Variants in YEATS2 observed in about 807,000 individuals in gnomAD.
The protein encoded by YEATS2 is YEATS domain containing 2, also known as YEATS domain-containing protein 2.
YEATS2 carries 77 observed loss-of-function variants against 163.2 expected under a neutral mutation model. That is an observed-to-expected ratio of 0.47 (90% CI 0.39 to 0.57). YEATS2 has a LOEUF of 0.57. YEATS2 is among the 20% of genes least tolerant of loss of function. The pLI, the probability that YEATS2 is intolerant of heterozygous loss-of-function variation, is 0.00. For missense variants in YEATS2, 1,549 were observed against 1,729.8 expected, an observed-to-expected ratio of 0.90 and a Z score of 1.85; for synonymous variants, 631 against 645.1, an observed-to-expected ratio of 0.98 and a Z score of 0.33.
chr3:183,784,969 A>G (rs1448689985), intron 19 of YEATS2, among the ~76,000 whole-genome samples: 1 of 152,036 alleles, frequency 6.6e-6, no homozygotes. Flanking sequence ...GCTACTCGGG[A>G]GGCTGAGGCA....
intron 7 of YEATS2, among the ~76,000 whole-genome samples, chr3:183,733,904 T>A (rs1173289012): frequency 6.6e-6 from 1 of 152,074 alleles, no homozygotes; most frequent in Non-Finnish European, 1.5e-5. Context: ...CAGGGCGTGA[T>A]AAAGGGACTG....
In YEATS2 at chr3:183,777,709, G is replaced by A. The variant is rs759486737; in HGVS notation, c.2736+9G>A. On this transcript the variant is annotated intron_variant, in intron 19 of 30. Coordinates refer to ENST00000305135, the MANE Select transcript of YEATS2 (RefSeq NM_018023.5). ...CCACATTGTTTACACAGGTAAATAC[G>A]CCCATGCACACACCCCAAATATGGG... 10 of 1,611,144 alleles carry A rather than the reference G, an allele frequency of 6.2e-6. No individual in the cohort carries two copies. Among genetic ancestry groups the A allele is most frequent in the Middle Eastern group, 1.6e-4 (1 of 6,078 alleles).
chr3:183,785,807 G>A (rs1173468869), intron 19 of YEATS2, among the ~76,000 whole-genome samples: 3 of 152,142 alleles, frequency 2.0e-5, no homozygotes, highest in African/African-American at 7.2e-5. Flanking sequence ...AAGATTATAC[G>A]TACATTTAAG....
At chr3:183,791,023 T>A in intron 21 of YEATS2, 43 bp downstream of exon 21, 9 of 1,591,232 alleles carry the variant, frequency 5.7e-6, no homozygotes, top group Non-Finnish European at 7.7e-6. Flanking sequence ...TTTCTCTCAT[T>A]GGGCTGGAAT....
rs375910852 is a variant in YEATS2, at chr3:183,798,020, G to C, written c.3195G>C (p.Gly1065=). Residue 1065 remains glycine, a synonymous_variant, in exon 22 of 31, where the codon GGG becomes GGC. Transcript: ENST00000305135. Reference sequence around the variant, plus strand: ...CACTCAGCGTAAACACATCTGGAGGGGTGCAGACGATCCTGATGCCTGTGA... The same window carrying C: ...CACTCAGCGTAAACACATCTGGAGGCGTGCAGACGATCCTGATGCCTGTGA... ...LKPLSVNTSG[G]VQTILMPVNK... 18 of 1,614,084 alleles carry C rather than the reference G, an allele frequency of 1.1e-5. No individual in the cohort carries two copies. The highest frequency in any genetic ancestry group is 4.5e-5 in the East Asian group (2 of 44,880).
chr3:183,728,571 G>A lies in YEATS2; in HGVS notation c.651-119G>A, dbSNP rs1193064341. ...GACTCATTTTGCTTGTTTAGGTGAT[G>A]TAGTTGTTAAATATTGCAGGAATTT... is the stretch of plus-strand genomic sequence containing the variant. On this transcript the variant is annotated intron_variant, in intron 6 of 30. Transcript: ENST00000305135. 5.5e-6 allele frequency: 5 copies of A among 903,400 alleles called. No homozygotes were observed. The South Asian group carries it at 8.9e-5, about 16-fold the overall frequency. The allele number at this position is 903,400 out of a possible 1,614,324, so 56.0% of individuals were successfully genotyped here. A position where few individuals can be genotyped will look rare whatever the true frequency, so the allele number is the denominator to read the frequency against.
Position 183,776,063 on chromosome 3 carries a change from C to T in YEATS2, c.2517C>T (p.Gly839=). 1 of 1,612,166 alleles carries T rather than the reference C, an allele frequency of 6.2e-7. No individual in the cohort carries two copies. The highest frequency in any genetic ancestry group is 8.5e-7 in the Non-Finnish European group (1 of 1,179,152). The change falls in exon 18 of 31, where the codon GGC becomes GGT. Residue 839 remains glycine, a synonymous_variant. Coordinates refer to ENST00000305135, the MANE Select transcript of YEATS2 (RefSeq NM_018023.5). The part of the protein sequence containing the change: ...TAGGGTQSTA[G]PGGISQHLTY... Reference sequence around the variant, plus strand: ...GAGGAGGAACTCAAAGTACTGCTGGCCCTGGAGGGATATCTCAGCACCTGA... The same window carrying T: ...GAGGAGGAACTCAAAGTACTGCTGGTCCTGGAGGGATATCTCAGCACCTGA...
chr3:183,748,234 C>T (rs1003675292), intron 9 of YEATS2, among the ~76,000 whole-genome samples: 2 of 150,646 alleles, frequency 1.3e-5, no homozygotes, highest in African/African-American at 2.4e-5. Flanking sequence ...TTCCCCTTCC[C>T]CTTGTCCCCT....
chr3:183,788,299 C>T (rs1407422649), intron 20 of YEATS2, among the ~76,000 whole-genome samples: 4 of 152,080 alleles, frequency 2.6e-5, no homozygotes, highest in Non-Finnish European at 5.9e-5. Context: ...CCCTCCCTCC[C>T]TGCTGTTGGC....
At chr3:183,794,585 G>T (rs531492082) in intron 21 of YEATS2, among the ~76,000 whole-genome samples, 99 of 152,314 alleles carry the variant, frequency 6.5e-4, no homozygotes, top group Middle Eastern at 6.8e-3. Flanking sequence ...CCAGTCAGCT[G>T]TTGTAAGGTG....
intron 21 of YEATS2, among the ~76,000 whole-genome samples, chr3:183,796,299 C>G (rs539050731): frequency 6.6e-6 from 1 of 151,830 alleles, no homozygotes; most frequent in Non-Finnish European, 1.5e-5. Context: ...CACCCGACCA[C>G]TGTTTTTAAG....
intron 4 of YEATS2, among the ~76,000 whole-genome samples, chr3:183,719,675 C>CTT (rs145556774): frequency 6.7e-6 from 1 of 148,754 alleles, no homozygotes; most frequent in Non-Finnish European, 1.5e-5. Context: ...TGTTTTCTTT[C>CTT]TTTTTTTTTT....
intron 9 of YEATS2, among the ~76,000 whole-genome samples, chr3:183,748,255 T>C (rs1020890225): frequency 4.7e-4 from 54 of 116,002 alleles, no homozygotes; most frequent in Admixed American, 6.4e-4. Flanking sequence ...CCCCTTCCCC[T>C]CCTTTTTTTT....
At chr3:183,742,554 C>A (rs1166770753) in intron 8 of YEATS2, among the ~76,000 whole-genome samples, 1 of 152,188 alleles carries the variant, frequency 6.6e-6, no homozygotes, top group Non-Finnish European at 1.5e-5. Flanking sequence ...TATGATTAAA[C>A]CTTAATGCAT....
chr3:183,765,162 T>G (rs776119311), intron 15 of YEATS2, among the ~76,000 whole-genome samples: 9 of 152,168 alleles, frequency 5.9e-5, no homozygotes, highest in Non-Finnish European at 1.0e-4. Flanking sequence ...CCAAAATCCC[T>G]TAGTAAATCA....
rs1484950762 is a variant in YEATS2, at chr3:183,800,489, G to A, written c.3349G>A (p.Gly1117Arg). 6.2e-7 allele frequency: 1 copy of A among 1,614,096 alleles called. No homozygotes were observed. The highest frequency in any genetic ancestry group is 8.5e-7 in the Non-Finnish European group (1 of 1,179,960). ...AGTGAAGACTGAACCAGAAACACCT[G>A]GACCGAGTTGCCTCTCTCAGGAGGG... ...AKVKTEPETPGPSCLSQEGQT... is the reference protein window; with the variant it reads ...AKVKTEPETPRPSCLSQEGQT... Residue 1117 changes from glycine (G) to arginine (R), a missense_variant, in exon 24 of 31, where the codon GGA becomes AGA. Physicochemically the swap from Gly to Arg is moderately radical, Grantham distance 125. Coordinates refer to ENST00000305135, the MANE Select transcript of YEATS2 (RefSeq NM_018023.5).
chr3:183,741,127 T>C (rs1196351106), intron 8 of YEATS2, among the ~76,000 whole-genome samples: 2 of 151,740 alleles, frequency 1.3e-5, no homozygotes, highest in Non-Finnish European at 2.9e-5. Flanking sequence ...TTAGTAGAAA[T>C]AGGGTTTCAC....
Position 183,792,455 on chromosome 3 carries a change from A to G in YEATS2, c.3097+1475A>G, listed in dbSNP as rs376601571. On this transcript the variant is annotated intron_variant, in intron 21 of 30. Transcript: ENST00000305135. The stretch of plus-strand genomic sequence containing the variant: ...AGAATGATGGCTTCCAGCTTCATCC[A>G]TGTCCCTGCAAAGGACATGAACTCA... 6.6e-5 allele frequency among the ~76,000 whole-genome samples: 10 copies of G among 152,250 alleles called. No homozygotes were observed. In the South Asian group the frequency reaches 1.0e-3, roughly 16 times the overall value.
intron 6 of YEATS2, among the ~76,000 whole-genome samples, chr3:183,726,464 C>G (rs1446982593): frequency 6.6e-6 from 1 of 152,174 alleles, no homozygotes; most frequent in Non-Finnish European, 1.5e-5. Flanking sequence ...GCAGCTTCAT[C>G]ATTTTTGCCA....
Sources: gnomAD v4.1 joint callset for allele counts (sites outside exome capture counted in the v4.1 genomes callset) on GRCh38, gnomAD v4.1.1 for gene constraint, MANE v1.5 for transcripts, NCBI Gene and HGNC (gene_info 2026-07-23, HGNC 2026-07-21) for gene names.